Variants in PUDP observed in about 807,000 individuals in gnomAD.
The protein encoded by PUDP is pseudouridine 5'-phosphatase.
In PUDP, 8 loss-of-function variants were observed where a neutral mutation model predicts 9.4. The ratio of observed to expected loss-of-function variants is 0.85; its 90% CI spans 0.50 to 1.53. PUDP has a LOEUF of 1.53. Ranked by LOEUF, PUDP falls within the 40% of genes most tolerant of loss-of-function variation. The pLI, the probability that PUDP is intolerant of heterozygous loss-of-function variation, is 0.00. For synonymous variants in PUDP, 99 were observed against 80.7 expected, an observed-to-expected ratio of 1.23 and a Z score of -1.22; for missense variants, 188 against 189.7, an observed-to-expected ratio of 0.99 and a Z score of 0.05.
chrX:7,110,025 A>T (rs1218301363), intron 1 of PUDP, among the ~76,000 whole-genome samples: 3 of 112,482 alleles, frequency 2.7e-5, no homozygotes, highest in Non-Finnish European at 5.6e-5. Flanking sequence ...CAGCTTCTGT[A>T]GTAGCTGCAA....
At chrX:6,885,329 G>T (rs919991529) in intron 3 of PUDP, among the ~76,000 whole-genome samples, 1 of 112,119 alleles carries the variant, frequency 8.9e-6, no homozygotes, top group African/African-American at 3.2e-5. Flanking sequence ...CTGTGACAAT[G>T]CATGAGACAG....
intron 3 of PUDP, among the ~76,000 whole-genome samples, chrX:6,975,908 A>G (rs1437040113): frequency 8.9e-6 from 1 of 112,268 alleles, no homozygotes; most frequent in Admixed American, 9.4e-5. Context: ...TGCCCAGAGA[A>G]GAGGAATCTT....
At chrX:6,913,767 C>T (rs1927882790) in intron 3 of PUDP, among the ~76,000 whole-genome samples, 1 of 111,563 alleles carries the variant, frequency 9.0e-6, no homozygotes, top group Non-Finnish European at 1.9e-5. Context: ...AATGGGCACC[C>T]CTTCTTCCAA....
chrX:7,070,941 G>A (rs772040949), intron 3 of PUDP, among the ~76,000 whole-genome samples: 1 of 112,011 alleles, frequency 8.9e-6, no homozygotes, highest in Middle Eastern at 4.6e-3. Context: ...TATTCTCGGA[G>A]GAAAAGAAGT....
chrX:7,009,316 A>C (rs1272645290), intron 1 of PUDP, among the ~76,000 whole-genome samples: 10 of 112,241 alleles, frequency 8.9e-5, no homozygotes, highest in Non-Finnish European at 1.7e-4. Flanking sequence ...GGATTTTAGG[A>C]AAGTAGGGAA....
At chrX:7,080,861 G>A (rs1931062003) in intron 2 of PUDP, among the ~76,000 whole-genome samples, 1 of 105,872 alleles carries the variant, frequency 9.4e-6, no homozygotes, top group African/African-American at 3.5e-5. Flanking sequence ...GGAGGTTGCA[G>A]TGAGCCGACA....
At chrX:6,717,389 G>A (rs1357976338) in intron 1 of PUDP, among the ~76,000 whole-genome samples, 3 of 111,320 alleles carry the variant, frequency 2.7e-5, no homozygotes, top group Admixed American at 9.6e-5. Context: ...GCTGCTCTGG[G>A]TTGGAACAAT....
intron 3 of PUDP, among the ~76,000 whole-genome samples, chrX:6,769,360 G>A (rs1016300025): frequency 4.5e-5 from 5 of 111,916 alleles, no homozygotes; most frequent in South Asian, 3.7e-4. Flanking sequence ...CACCTTTGGC[G>A]GGGAAGGCAG....
At chrX:7,098,868 G>T (rs1051006545) in intron 2 of PUDP, among the ~76,000 whole-genome samples, 1 of 110,958 alleles carries the variant, frequency 9.0e-6, no homozygotes, top group Middle Eastern at 4.6e-3. Flanking sequence ...CCGGCCAAGA[G>T]ATGCAGGGGA....
intron 2 of PUDP, among the ~76,000 whole-genome samples, chrX:7,104,387 C>G (rs1293670076): frequency 9.0e-6 from 1 of 111,442 alleles, no homozygotes; most frequent in East Asian, 2.8e-4. Flanking sequence ...ATGGTGGCTG[C>G]CAGGGGTTGA....
intron 2 of PUDP, among the ~76,000 whole-genome samples, chrX:7,101,764 A>G (rs1198373732): frequency 9.0e-6 from 1 of 111,463 alleles, no homozygotes; most frequent in Non-Finnish European, 1.9e-5. Flanking sequence ...GACAAACCTT[A>G]GCTACATTAA....
intron 3 of PUDP, among the ~76,000 whole-genome samples, chrX:6,827,569 C>G (rs1236247861): frequency 1.8e-5 from 2 of 111,832 alleles, no homozygotes; most frequent in Non-Finnish European, 3.8e-5. Context: ...GCTCCAGACC[C>G]TATTTTCCTG....
intron 3 of PUDP, among the ~76,000 whole-genome samples, chrX:7,052,453 G>C (rs1037760557): frequency 8.9e-6 from 1 of 112,067 alleles, no homozygotes; most frequent in East Asian, 2.8e-4. Flanking sequence ...AGGTCTGAAA[G>C]AGAAGCTCTG....
chrX:6,923,872 T>C (rs1928061084), intron 3 of PUDP, among the ~76,000 whole-genome samples: 3 of 111,497 alleles, frequency 2.7e-5, no homozygotes, highest in Admixed American at 1.9e-4. Context: ...TGGTCCCTCA[T>C]GAATCCGGGG....
chrX:6,993,428 G>A (rs1238114581), intron 1 of PUDP, among the ~76,000 whole-genome samples: 1 of 112,034 alleles, frequency 8.9e-6, no homozygotes, highest in African/African-American at 3.2e-5. Context: ...CCAAGGCTGA[G>A]CCTGTTCATT....
intron 3 of PUDP, among the ~76,000 whole-genome samples, chrX:6,730,049 G>T (rs2146659418): frequency 8.9e-6 from 1 of 112,315 alleles, no homozygotes; most frequent in Non-Finnish European, 1.9e-5. Flanking sequence ...GCTTTGCTAA[G>T]ACTCCTTTGT....
chrX:6,976,764 A>C (rs1391406040), intron 3 of PUDP, among the ~76,000 whole-genome samples: 1 of 111,782 alleles, frequency 8.9e-6, no homozygotes, highest in Non-Finnish European at 1.9e-5. Context: ...ACACAGCATC[A>C]AGGGGCATCT....
chrX:6,852,678 A>G (rs1286974604), intron 3 of PUDP, among the ~76,000 whole-genome samples: 1 of 112,222 alleles, frequency 8.9e-6, no homozygotes, highest in Non-Finnish European at 1.9e-5. Flanking sequence ...AATATCTTTA[A>G]TATTTGTAAA....
intron 3 of PUDP, among the ~76,000 whole-genome samples, chrX:6,871,837 T>C (rs984359802): frequency 8.9e-6 from 1 of 111,865 alleles, no homozygotes; most frequent in Non-Finnish European, 1.9e-5. Flanking sequence ...TCTCCAGGCA[T>C]GTGTTAGATT....
Sources: gnomAD v4.1 joint callset for allele counts (sites outside exome capture counted in the v4.1 genomes callset) on GRCh38, gnomAD v4.1.1 for gene constraint, MANE v1.5 for transcripts, NCBI Gene and HGNC (gene_info 2026-07-23, HGNC 2026-07-21) for gene names.